Variants in CHRNB1 observed in about 807,000 individuals in gnomAD.
CHRNB1 encodes cholinergic receptor nicotinic beta 1 subunit, also known as acetylcholine receptor subunit beta.
A neutral mutation model predicts 53.8 loss-of-function variants in CHRNB1; 47 were observed. That is an observed-to-expected ratio of 0.87 (90% confidence interval 0.69 to 1.11). The LOEUF is 1.11. Ranked by LOEUF, CHRNB1 falls within the 50% of genes most tolerant of loss-of-function variation. CHRNB1 has a pLI of 0.00. For missense variants in CHRNB1, 605 were observed against 654.9 expected (o/e 0.92, Z 0.83); for synonymous variants, 259 against 263.5 (o/e 0.98, Z 0.16).
At chr17:7,450,069 A>AAATC (rs1455539574) in intron 7 of CHRNB1, among the ~76,000 whole-genome samples, 1 of 150,726 alleles carries the variant, frequency 6.6e-6, no homozygotes, top group Non-Finnish European at 1.5e-5. Flanking sequence ...ATAAATAAAT[A>AAATC]AATAAATAAA....
chr17:7,455,606 G>A (rs1006544826), intron 9 of CHRNB1, 150 bp downstream of exon 9: 2 of 1,230,512 alleles, frequency 1.6e-6, no homozygotes, highest in Non-Finnish European at 2.4e-6. Flanking sequence ...TTTGAGGGGA[G>A]GTGGGAACTA....
At position 7,454,410 on chromosome 17, in the gene CHRNB1, C is replaced by T. The variant is rs1908997451; in HGVS notation, c.934C>T (p.Leu312Phe). The change falls in exon 8 of 11, where the codon CTC becomes TTC. Residue 312 changes from leucine to phenylalanine, a missense_variant. Leu to Phe is a conservative substitution (Grantham distance 22). Coordinates refer to ENST00000306071, the MANE Select transcript of CHRNB1 (RefSeq NM_000747.3). ...SLSVPIIIKYLMFTMVLVTFS... is the reference protein window; with the variant it reads ...SLSVPIIIKYFMFTMVLVTFS... ...ATCAGTACCCATTATTATCAAGTAC[C>T]TCATGTTTACCATGGTCCTCGTCAC... 2 of 1,614,092 alleles carry T rather than the reference C, an allele frequency of 1.2e-6. No individual in the cohort carries two copies. Among genetic ancestry groups the T allele is most frequent in the Non-Finnish European group, 1.7e-6 (2 of 1,179,988 alleles).
Position 7,456,875 on chromosome 17 carries a change from G to C in CHRNB1, c.*152G>C. On this transcript the variant is annotated 3_prime_UTR_variant, in exon 11 of 11. Coordinates refer to ENST00000306071, the MANE Select transcript of CHRNB1 (RefSeq NM_000747.3). ...GGGACTGCATTGGACTGAGGGCTGG[G>C]TAGGCAGGTGTCTTGGACCCACCTG... 1 of 977,966 alleles carries C rather than the reference G, an allele frequency of 1.0e-6. No individual in the cohort carries two copies. The highest frequency in any genetic ancestry group is 1.5e-6 in the Non-Finnish European group (1 of 649,858). The allele number at this position is 977,966 out of a possible 1,614,324, so 60.6% of individuals were successfully genotyped here. A position where few individuals can be genotyped will look rare whatever the true frequency, so the allele number is the denominator to read the frequency against.
intron 6 of CHRNB1, 44 bp from the exon 7 acceptor site, chr17:7,448,535 G>C (rs1335348660): frequency 1.3e-6 from 2 of 1,599,694 alleles, no homozygotes; most frequent in South Asian, 2.2e-5. Flanking sequence ...CACTAACCAG[G>C]ACAGCTCTCA....
Position 7,445,987 on chromosome 17 carries a change from C to G in CHRNB1, c.199-82C>G, listed in dbSNP as rs1908591408. The G allele has an allele frequency of 1.6e-6, 2 of 1,259,972 alleles. No homozygotes were observed. The highest frequency in any genetic ancestry group is 3.4e-5 in the Admixed American group (2 of 59,342). 78.0% of individuals were successfully genotyped at this position (1,259,972 alleles called of 1,614,324 possible). A position where few individuals can be genotyped will look rare whatever the true frequency, so the allele number is the denominator to read the frequency against. On this transcript the variant is annotated intron_variant, in intron 2 of 10. Transcript: ENST00000306071. The surrounding 1 kb of genome is among the most constrained non-coding windows in gnomAD (Gnocchi z 5.7). ...GGCTCAGAAAAAGGGGGCGGCGTTCCCAGGAGAGAGGTTGGCCCCCCGAGC... is the reference window on the plus strand; with the variant it reads ...GGCTCAGAAAAAGGGGGCGGCGTTCGCAGGAGAGAGGTTGGCCCCCCGAGC...
intron 7 of CHRNB1, among the ~76,000 whole-genome samples, chr17:7,450,852 A>G (rs940934250): frequency 2.0e-5 from 3 of 152,116 alleles, no homozygotes; most frequent in African/African-American, 7.2e-5. Flanking sequence ...TAGCTCTGGT[A>G]TTCAAAACAT....
Position 7,447,502 on chromosome 17 carries a change from G to T in CHRNB1, c.463-1G>T, listed in dbSNP as rs547665083. The T allele has an allele frequency of 3.7e-6, 6 of 1,614,074 alleles. No individual in the cohort carries two copies. In the South Asian group the frequency reaches 4.4e-5, roughly 12 times the overall value. The stretch of plus-strand genomic sequence containing the variant: ...CTCTAGTGACTCTCTCCTCCATCCA[G>T]GTCACCTACTTCCCCTTCGACTGGC... On this transcript the variant is annotated splice_acceptor_variant, in intron 5 of 10. Transcript: ENST00000306071. LOFTEE classifies it high-confidence loss of function.
At chr17:7,448,508 G>A (rs1908750278) in intron 6 of CHRNB1, 71 bp from the exon 7 acceptor site, 2 of 1,483,178 alleles carry the variant, frequency 1.3e-6, no homozygotes, top group Admixed American at 1.7e-5. Context: ...GGCTGTGGCA[G>A]AGCAAGCCAT....
intron 9 of CHRNB1, 151 bp downstream of exon 9, chr17:7,455,607 G>A (rs2069941704): frequency 2.4e-6 from 3 of 1,236,800 alleles, no homozygotes; most frequent in African/African-American, 3.0e-5. Flanking sequence ...TTGAGGGGAG[G>A]TGGGAACTAA....
Position 7,455,919 on chromosome 17 carries a change from A to G in CHRNB1, c.1343A>G (p.Gln448Arg). Reference sequence around the variant, plus strand: ...ATCAGCTACATCGCTCGACAGCTGCAGGAACAGGAGGACCACGATGCGGTA... The same window carrying G: ...ATCAGCTACATCGCTCGACAGCTGCGGGAACAGGAGGACCACGATGCGGTA... Reference protein sequence around the residue: ...SSISYIARQLQEQEDHDALKE... With the variant: ...SSISYIARQLREQEDHDALKE... The change falls in exon 10 of 11, where the codon CAG becomes CGG. Residue 448 changes from glutamine (Q) to arginine (R), a missense_variant. Coordinates refer to ENST00000306071, the MANE Select transcript of CHRNB1 (RefSeq NM_000747.3). The G allele has an allele frequency of 6.2e-7, 1 of 1,614,134 alleles. No individual in the cohort carries two copies.
Position 7,454,624 on chromosome 17 carries a change from T to G in CHRNB1, c.1044+104T>G. 13 of 919,604 alleles carry G rather than the reference T, an allele frequency of 1.4e-5. 1 individual carries two copies. In the South Asian group the frequency reaches 1.8e-4, roughly 13 times the overall value. 57.0% of individuals were successfully genotyped at this position (919,604 alleles called of 1,614,324 possible). A position where few individuals can be genotyped will look rare whatever the true frequency, so the allele number is the denominator to read the frequency against. On this transcript the variant is annotated intron_variant, in intron 8 of 10. Coordinates refer to ENST00000306071, the MANE Select transcript of CHRNB1 (RefSeq NM_000747.3). ...TGAAGTGTCCAAGCTTGTTGAGTGT[T>G]GAAATGTTGCACAGTTAAGCTAGCC...
In CHRNB1 at chr17:7,457,705, C is replaced by T. The variant is rs1165584364; in HGVS notation, c.*982C>T. 1 of 151,226 alleles carries T rather than the reference C, an allele frequency of 6.6e-6. No individual in the cohort carries two copies. The highest frequency in any genetic ancestry group is 1.5e-5 in the Non-Finnish European group (1 of 67,858). 9.4% of individuals were successfully genotyped at this position (151,226 alleles called of 1,614,324 possible). On this transcript the variant is annotated 3_prime_UTR_variant, in exon 11 of 11. Transcript: ENST00000306071. ...TCTCTGGGATTAAAAAAAGTTATTT[C>T]TACAAGCATGCATTGGTAATGAGAA... is the stretch of plus-strand genomic sequence containing the variant.
chr17:7,446,990 C>CG (rs553745903), intron 4 of CHRNB1, 48 bp downstream of exon 4: 2 of 733,150 alleles, frequency 2.7e-6, no homozygotes, highest in South Asian at 1.3e-5. Flanking sequence ...CCTCGGGGGG[C>CG]GGGGGGCCTC....
intron 5 of CHRNB1, 163 bp from the exon 6 acceptor site, chr17:7,447,340 C>T (rs1908681696): frequency 3.2e-6 from 3 of 947,694 alleles, no homozygotes; most frequent in Admixed American, 2.0e-5. Flanking sequence ...TCTAGTCTTA[C>T]TCAGTGACCG....
rs369771393 is a variant in CHRNB1, at chr17:7,447,199, C to T, written c.462+48C>T. The T allele has an allele frequency of 1.5e-5, 22 of 1,510,712 alleles. No homozygotes were observed. The African/African-American group carries it at 2.6e-4, about 18-fold the overall frequency. 93.6% of individuals were successfully genotyped at this position (1,510,712 alleles called of 1,614,324 possible). A position where few individuals can be genotyped will look rare whatever the true frequency, so the allele number is the denominator to read the frequency against. ...GCTGAAGGAGCTCTTACAAATCCTC[C>T]CTTTCCTTAGACATCCTGACTCCCC... On this transcript the variant is annotated intron_variant, in intron 5 of 10. Transcript: ENST00000306071.
chr17:7,451,532 T>G (rs1908889435), intron 7 of CHRNB1, among the ~76,000 whole-genome samples: 1 of 151,880 alleles, frequency 6.6e-6, no homozygotes, highest in Admixed American at 6.6e-5. Flanking sequence ...CCACCCGCCT[T>G]GGCCTCCCAC....
At chr17:7,446,677 G>T in intron 3 of CHRNB1, 156 bp from the exon 4 acceptor site, 1 of 630,854 alleles carries the variant, frequency 1.6e-6, no homozygotes, top group Non-Finnish European at 2.8e-6. Flanking sequence ...CCCAGCGAGT[G>T]AAGGCGGAGC....
At position 7,446,086 on chromosome 17, in the gene CHRNB1, G is replaced by C. The variant is rs754506936; in HGVS notation, c.216G>C (p.Glu72Asp). The change falls in exon 3 of 11, where the codon GAG becomes GAC. Residue 72 changes from glutamate (E) to aspartate (D), a missense_variant. Transcript: ENST00000306071. ...CCTTCTAGAACGAGAAGGATGAAGA[G>C]ATGAGCACAAAGGTGTACTTAGACC... ...QLISLNEKDEEMSTKVYLDLE... is the reference protein window; with the variant it reads ...QLISLNEKDEDMSTKVYLDLE... 3.7e-6 allele frequency: 6 copies of C among 1,614,074 alleles called. No individual in the cohort carries two copies. The Admixed American group carries it at 8.3e-5, about 22-fold the overall frequency.
intron 10 of CHRNB1, among the ~76,000 whole-genome samples, chr17:7,456,213 C>T (rs1427908650): frequency 1.3e-5 from 2 of 151,990 alleles, no homozygotes. Context: ...GCCACCACGC[C>T]TGGCTAATTT....
Sources: allele counts gnomAD v4.1 joint callset (sites outside exome capture counted in the v4.1 genomes callset), GRCh38; gene constraint gnomAD v4.1.1; non-coding constraint Gnocchi (gnomAD v3.1); transcripts MANE v1.5; gene names NCBI Gene and HGNC (gene_info 2026-07-23, HGNC 2026-07-21).